Variants in NOP14 observed in about 807,000 individuals in gnomAD.
The protein encoded by NOP14 is nucleolar protein 14.
A neutral mutation model predicts 101.6 loss-of-function variants in NOP14; 57 were observed. The observed-to-expected ratio is 0.56, with a 90% CI of 0.45 to 0.70. The LOEUF is 0.70. Among genes scored for constraint, NOP14 ranks in the 30% least tolerant of loss-of-function variants. NOP14 has a pLI of 0.00. For synonymous variants in NOP14, 428 were observed against 424.0 expected, an observed-to-expected ratio of 1.01 and a Z score of -0.12; for missense variants, 1,134 against 1,075.5, an observed-to-expected ratio of 1.05 and a Z score of -0.76.
chr4:2,955,833 G>A (rs1384732847), intron 3 of NOP14, among the ~76,000 whole-genome samples: 3 of 152,210 alleles, frequency 2.0e-5, no homozygotes, highest in East Asian at 1.9e-4. Flanking sequence ...CGCAGATGGC[G>A]GGTTCTGCAC....
chr4:2,947,802 T>C (rs2109302262), intron 9 of NOP14, 191 bp from the exon 10 acceptor site: 1 of 607,230 alleles, frequency 1.6e-6, no homozygotes, highest in Non-Finnish European at 2.9e-6. Context: ...CACTAGAAGG[T>C]GTAGGGGGGA....
intron 6 of NOP14, among the ~76,000 whole-genome samples, chr4:2,951,552 C>T (rs139895079): frequency 9.2e-5 from 14 of 152,336 alleles, no homozygotes; most frequent in African/African-American, 2.6e-4. Context: ...TGGGACTCAT[C>T]ACCCCCTGCA....
At chr4:2,947,709 C>T (rs1197750070) in intron 9 of NOP14, 98 bp from the exon 10 acceptor site, 4 of 992,412 alleles carry the variant, frequency 4.0e-6, no homozygotes, top group African/African-American at 3.2e-5. Flanking sequence ...CTGGTGACAA[C>T]CAGGTGGGGC....
At position 2,939,217 on chromosome 4, in the gene NOP14, C is replaced by T. The variant is rs147783521; in HGVS notation, c.2445G>A (p.Ala815=). Residue 815 remains alanine, a synonymous_variant, in exon 17 of 18, where the codon GCG becomes GCA. Transcript: ENST00000416614. The part of the protein sequence containing the change: ...REIRKDNQFL[A]RMQLSEIMER... ...CCATGATTTCTGAGAGTTGCATCCT[C>T]GCCAGGAACTGATTGTCCTTGCGGA... 4.1e-5 allele frequency: 66 copies of T among 1,613,984 alleles called. No individual in the cohort carries two copies. The African/African-American group carries it at 5.1e-4, about 12-fold the overall frequency.
intron 11 of NOP14, among the ~76,000 whole-genome samples, chr4:2,945,875 T>C (rs1714582361): frequency 6.6e-6 from 1 of 152,194 alleles, no homozygotes; most frequent in South Asian, 2.1e-4. Context: ...CCATGGCTAG[T>C]GGAGGAGTGC....
chr4:2,963,349 G>C lies in NOP14; in HGVS notation c.-30C>G. 1 of 1,518,668 alleles carries C rather than the reference G, an allele frequency of 6.6e-7. No individual in the cohort carries two copies. Among genetic ancestry groups the C allele is most frequent in the African/African-American group, 1.4e-5 (1 of 69,042 alleles). 94.1% of individuals were successfully genotyped at this position (1,518,668 alleles called of 1,614,324 possible). A position where few individuals can be genotyped will look rare whatever the true frequency, so the allele number is the denominator to read the frequency against. On this transcript the variant is annotated 5_prime_UTR_variant, in exon 1 of 18. Transcript: ENST00000416614. Reference sequence around the variant, plus strand: ...CGCGCCCCGCTGCGCCCAAGGGCCCGAGACCCGAAGAGAGACAGGCGCGCG... The same window carrying C: ...CGCGCCCCGCTGCGCCCAAGGGCCCCAGACCCGAAGAGAGACAGGCGCGCG...
At chr4:2,953,128 G>A (rs1170158622) in intron 5 of NOP14, among the ~76,000 whole-genome samples, 1 of 152,148 alleles carries the variant, frequency 6.6e-6, no homozygotes, top group South Asian at 2.1e-4. Flanking sequence ...CAATAGTTTC[G>A]ACTAAAGAGA....
intron 8 of NOP14, among the ~76,000 whole-genome samples, chr4:2,948,720 G>A (rs1057098298): frequency 7.2e-5 from 11 of 152,210 alleles, no homozygotes; most frequent in African/African-American, 2.4e-4. Flanking sequence ...CTCCCAAAGT[G>A]CTGGGATTAC....
chr4:2,955,512 C>T (rs184966955), intron 3 of NOP14, among the ~76,000 whole-genome samples: 1,784 of 146,428 alleles, frequency 0.012, 31 homozygotes, highest in African/African-American at 0.042. Context: ...TGCACCACAG[C>T]GCCCCCTCTA....
At chr4:2,955,643 G>A (rs1409545390) in intron 3 of NOP14, among the ~76,000 whole-genome samples, 2 of 152,264 alleles carry the variant, frequency 1.3e-5, no homozygotes, top group African/African-American at 4.8e-5. Flanking sequence ...CTCACACCAA[G>A]GCAGTTACCT....
intron 1 of NOP14, among the ~76,000 whole-genome samples, chr4:2,958,086 T>C (rs539262308): frequency 6.6e-6 from 1 of 152,124 alleles, no homozygotes; most frequent in East Asian, 1.9e-4. Context: ...TTTGGAAAAG[T>C]GGAAATGGGT....
At chr4:2,950,798 G>A (rs1714977340) in intron 7 of NOP14, 1 of 246,430 alleles carries the variant, frequency 4.1e-6, no homozygotes, top group African/African-American at 2.2e-5. Flanking sequence ...ATGAGGTCAT[G>A]CAGATAGAAT....
chr4:2,960,878 TTATTATTA>T (rs1315466216), intron 1 of NOP14, among the ~76,000 whole-genome samples: 2 of 67,138 alleles, frequency 3.0e-5, no homozygotes, highest in African/African-American at 1.1e-4. Context: ...TATAATTACA[TTATTATTA>T]TATTATTATA....
chr4:2,949,228 G>C (rs941770532), intron 8 of NOP14, among the ~76,000 whole-genome samples: 1 of 152,174 alleles, frequency 6.6e-6, no homozygotes, highest in Non-Finnish European at 1.5e-5. Flanking sequence ...TTTTGAGACA[G>C]GGTCTTGCTC....
At chr4:2,947,670 A>G in intron 9 of NOP14, 59 bp from the exon 10 acceptor site, 1 of 1,353,076 alleles carries the variant, frequency 7.4e-7, no homozygotes, top group Non-Finnish European at 1.1e-6. Context: ...ACAAAGCCAC[A>G]GGCACACAGC....
intron 11 of NOP14, among the ~76,000 whole-genome samples, chr4:2,945,578 G>A (rs975206617): frequency 3.3e-5 from 5 of 152,132 alleles, no homozygotes; most frequent in African/African-American, 1.2e-4. Context: ...ACAAACACCA[G>A]GCAACAGAAT....
At chr4:2,946,580 T>C (rs890266581) in intron 10 of NOP14, 33 bp from the exon 11 acceptor site, 2 of 1,610,178 alleles carry the variant, frequency 1.2e-6, no homozygotes, top group Non-Finnish European at 1.7e-6. Context: ...CAGGAGAGAA[T>C]GACTTTAGAT....
At chr4:2,960,771 A>G (rs1305152687) in intron 1 of NOP14, among the ~76,000 whole-genome samples, 19 of 135,592 alleles carry the variant, frequency 1.4e-4, no homozygotes, top group South Asian at 6.3e-4. Context: ...TAATATTAAT[A>G]TATTAATATT....
intron 3 of NOP14, among the ~76,000 whole-genome samples, chr4:2,955,073 T>TCCCTCTAGTCACCTGCGCCACGGCGCC (rs1577845541): frequency 1.5e-5 from 1 of 65,094 alleles, no homozygotes; most frequent in Non-Finnish European, 3.0e-5. Flanking sequence ...GCCACGGCGC[T>TCCCTCTAGTCACCTGCGCCACGGCGCC]CCCTCTAGTC....
Sources: gnomAD v4.1 joint callset for allele counts (sites outside exome capture counted in the v4.1 genomes callset) on GRCh38, gnomAD v4.1.1 for gene constraint, MANE v1.5 for transcripts, NCBI Gene and HGNC (gene_info 2026-07-23, HGNC 2026-07-21) for gene names.